The following ZBTB7C variants were observed in gnomAD, a reference collection of about 807,000 sequenced individuals.
The protein encoded by ZBTB7C is zinc finger and BTB domain-containing protein 7C.
ZBTB7C carries 8 observed loss-of-function variants against 25.7 expected under a neutral mutation model. That is an observed-to-expected ratio of 0.31 (90% CI 0.18 to 0.56). The LOEUF (loss-of-function observed/expected upper bound fraction) is 0.56, where lower values mean the gene tolerates loss of function less well. Among genes scored for constraint, ZBTB7C ranks in the 20% least tolerant of loss-of-function variants. ZBTB7C has a pLI of 0.91. For synonymous variants in ZBTB7C, 394 were observed against 369.0 expected (o/e 1.07, Z -0.78); for missense variants, 824 against 855.2 (o/e 0.96, Z 0.46).
rs577633813 is a variant in ZBTB7C, at chr18:48,029,615, T to C, written c.1505A>G (p.Lys502Arg). Residue 502 changes from lysine to arginine, a missense_variant, in exon 5 of 5, where the codon AAG (lysine) becomes AGG (arginine). By Grantham distance (26) the Lys-to-Arg change is conservative. Transcript: ENST00000590800. Reference protein sequence around the residue: ...LFGPGGPAPDKAAFVMPPALG... With the variant: ...LFGPGGPAPDRAAFVMPPALG... ...CGCAGGGGGCATCACGAAGGCCGCC[T>C]TGTCGGGGGCCGGGCCGCCGGGCCC... 70 of 1,490,442 alleles carry C rather than the reference T, an allele frequency of 4.7e-5. No individual in the cohort carries two copies. The East Asian group carries it at 1.6e-3, about 33-fold the overall frequency. 92.3% of individuals were successfully genotyped at this position (1,490,442 alleles called of 1,614,324 possible). A position where few individuals can be genotyped will look rare whatever the true frequency, so the allele number is the denominator to read the frequency against.
chr18:48,030,673 G>A (rs1268175041), intron 4 of ZBTB7C, among the ~76,000 whole-genome samples: 2 of 152,180 alleles, frequency 1.3e-5, no homozygotes, highest in East Asian at 1.9e-4. Context: ...GAGCCTCTGC[G>A]CCAGCTGCAG....
intron 3 of ZBTB7C, chr18:48,165,347 G>A (rs922000772): frequency 2.7e-5 from 11 of 406,420 alleles, no homozygotes; most frequent in African/African-American, 1.6e-4. Context: ...GAGACAATGA[G>A]TGTCCAGTGA....
At chr18:48,063,380 G>T (rs747577037) in intron 3 of ZBTB7C, among the ~76,000 whole-genome samples, 5 of 152,198 alleles carry the variant, frequency 3.3e-5, no homozygotes, top group Non-Finnish European at 7.3e-5. Flanking sequence ...CTGTCACCAG[G>T]GATTGCTTAA....
At chr18:48,200,094 A>G (rs1356142796) in intron 2 of ZBTB7C, among the ~76,000 whole-genome samples, 2 of 151,840 alleles carry the variant, frequency 1.3e-5, no homozygotes, top group Non-Finnish European at 2.9e-5. Flanking sequence ...TGGAGAATAG[A>G]CCCTGGCTGC....
At chr18:48,344,704 G>C (rs1023196327) in intron 1 of ZBTB7C, among the ~76,000 whole-genome samples, 1 of 152,224 alleles carries the variant, frequency 6.6e-6, no homozygotes, top group African/African-American at 2.4e-5. Flanking sequence ...AGATAATGCA[G>C]CAACACAGAA....
intron 2 of ZBTB7C, among the ~76,000 whole-genome samples, chr18:48,276,317 T>C (rs1382979782): frequency 6.6e-6 from 1 of 151,672 alleles, no homozygotes. Flanking sequence ...TTATTTATTA[T>C]ACTTTAAGTT....
chr18:48,274,165 T>A (rs1383545245), intron 2 of ZBTB7C, among the ~76,000 whole-genome samples: 3 of 152,316 alleles, frequency 2.0e-5, no homozygotes, highest in Middle Eastern at 3.4e-3. Flanking sequence ...CAAGCACTAG[T>A]CTTTTAGGAC....
intron 3 of ZBTB7C, among the ~76,000 whole-genome samples, chr18:48,068,017 T>C (rs926112750): frequency 4.6e-5 from 7 of 151,948 alleles, no homozygotes; most frequent in African/African-American, 1.7e-4. Flanking sequence ...AATCAATCAA[T>C]CTCTCCCTCT....
chr18:48,296,023 ACAGT>A (rs1353874487), intron 2 of ZBTB7C, among the ~76,000 whole-genome samples: 3 of 152,026 alleles, frequency 2.0e-5, no homozygotes, highest in Admixed American at 6.5e-5. Context: ...CTGGTACCTC[ACAGT>A]CAGTGTCCAA....
At chr18:48,069,688 C>A (rs989960723) in intron 3 of ZBTB7C, among the ~76,000 whole-genome samples, 12 of 151,756 alleles carry the variant, frequency 7.9e-5, no homozygotes, top group African/African-American at 2.9e-4. Flanking sequence ...TAATCTTAGA[C>A]CCTGTTCCTT....
intron 3 of ZBTB7C, among the ~76,000 whole-genome samples, chr18:48,134,452 T>C (rs1282324803): frequency 2.6e-5 from 4 of 152,124 alleles, no homozygotes; most frequent in Non-Finnish European, 5.9e-5. Flanking sequence ...AGTGGAGATG[T>C]AAGTGGATGA....
chr18:48,217,283 T>G (rs944088599), intron 2 of ZBTB7C, among the ~76,000 whole-genome samples: 2 of 152,120 alleles, frequency 1.3e-5, no homozygotes, highest in African/African-American at 4.8e-5. Flanking sequence ...AGGCCTGAAC[T>G]CTCTGCCTTC....
chr18:48,299,775 C>T (rs143333621), intron 2 of ZBTB7C, among the ~76,000 whole-genome samples: 31 of 152,308 alleles, frequency 2.0e-4, no homozygotes, highest in African/African-American at 5.8e-4. Context: ...AGAGAGTTCA[C>T]GGAAGTGAAG....
chr18:48,033,958 G>A (rs1350402748), intron 4 of ZBTB7C, among the ~76,000 whole-genome samples: 1 of 152,158 alleles, frequency 6.6e-6, no homozygotes, highest in African/African-American at 2.4e-5. Flanking sequence ...AGTGCTCCAT[G>A]AGTGTATGCA....
chr18:48,330,950 C>A (rs186316037), intron 2 of ZBTB7C, among the ~76,000 whole-genome samples: 1 of 152,290 alleles, frequency 6.6e-6, no homozygotes, highest in East Asian at 1.9e-4. Flanking sequence ...GATCCATAAC[C>A]AACAAAGGGA....
chr18:48,137,679 G>A (rs962007220), intron 3 of ZBTB7C, among the ~76,000 whole-genome samples: 4 of 152,256 alleles, frequency 2.6e-5, no homozygotes, highest in African/African-American at 9.6e-5. Flanking sequence ...AGTGCAGGAA[G>A]TAACCACAGC....
chr18:48,298,912 TC>T (rs1235871980), intron 2 of ZBTB7C, among the ~76,000 whole-genome samples: 3 of 152,212 alleles, frequency 2.0e-5, no homozygotes, highest in Admixed American at 2.0e-4. Context: ...ATCACATCTT[TC>T]TTTGTCACCT....
intron 3 of ZBTB7C, chr18:48,076,904 A>C (rs948825239): frequency 1.0e-6 from 1 of 980,578 alleles, no homozygotes; most frequent in Non-Finnish European, 1.2e-6. Context: ...AATCGAATTC[A>C]ATCAAGGAAG....
intron 1 of ZBTB7C, among the ~76,000 whole-genome samples, chr18:48,373,763 C>T (rs1034747613): frequency 1.3e-5 from 2 of 152,190 alleles, no homozygotes. Flanking sequence ...AGATCGAGAC[C>T]ATCCTGGTAA....
Sources: gnomAD v4.1 joint callset for allele counts (sites outside exome capture counted in the v4.1 genomes callset) on GRCh38, gnomAD v4.1.1 for gene constraint, MANE v1.5 for transcripts, NCBI Gene and HGNC (gene_info 2026-07-23, HGNC 2026-07-21) for gene names.